FAM81A: variants seen among roughly 807,000 people sequenced by gnomAD.
The protein encoded by FAM81A is family with sequence similarity 81 member A.
Under a neutral mutation model 46.7 loss-of-function variants are expected in FAM81A, and 19 were observed. That is an observed-to-expected ratio of 0.41 (90% confidence interval 0.28 to 0.60). FAM81A has a LOEUF of 0.60. Among genes scored for constraint, FAM81A ranks in the 20% least tolerant of loss-of-function variants. The pLI is 0.34. For missense variants in FAM81A, 377 were observed against 453.5 expected, an observed-to-expected ratio of 0.83 and a Z score of 1.53; for synonymous variants, 183 against 152.9, an observed-to-expected ratio of 1.20 and a Z score of -1.45.
chr15:59,398,466 A>G (rs113170274), intron 1 of FAM81A, among the ~76,000 whole-genome samples: 4 of 152,314 alleles, frequency 2.6e-5, no homozygotes, highest in African/African-American at 9.6e-5. Context: ...AGTCATTAGA[A>G]CATGAATCCA....
intron 6 of FAM81A, among the ~76,000 whole-genome samples, chr15:59,510,777 C>CAAAAAAAAAA (rs71119479): frequency 6.6e-4 from 17 of 25,782 alleles, no homozygotes; most frequent in African/African-American, 9.7e-4. Context: ...GACCCTGTCT[C>CAAAAAAAAAA]AAAAAAAAAA....
chr15:59,519,658 A>G (rs575537639), intron 8 of FAM81A, among the ~76,000 whole-genome samples: 64 of 139,090 alleles, frequency 4.6e-4, no homozygotes, highest in Non-Finnish European at 7.9e-4. Flanking sequence ...GAGATCGTGC[A>G]GTATTTTTCT....
chr15:59,474,118 C>G (rs772166333), intron 3 of FAM81A, among the ~76,000 whole-genome samples: 11 of 152,172 alleles, frequency 7.2e-5, no homozygotes, highest in Admixed American at 4.6e-4. Flanking sequence ...GGACACTGAA[C>G]TCGTGCCACT....
At chr15:59,518,929 TTGTGTGTGTGTGTCTG>T (rs1308800177) in intron 8 of FAM81A, among the ~76,000 whole-genome samples, 3 of 136,008 alleles carry the variant, frequency 2.2e-5, no homozygotes, top group African/African-American at 7.9e-5. Flanking sequence ...TCACAGGTAT[TTGTGTGTGTGTGTCTG>T]TGTGTGTGTG....
At chr15:59,502,514 T>TGTGC (rs1555433591) in intron 4 of FAM81A, among the ~76,000 whole-genome samples, 22 of 150,768 alleles carry the variant, frequency 1.5e-4, no homozygotes, top group Admixed American at 3.3e-4. Flanking sequence ...TGTGTGTGTG[T>TGTGC]GTGTGTGTGT....
At chr15:59,497,441 GT>G (rs542898353) in intron 4 of FAM81A, among the ~76,000 whole-genome samples, 1 of 151,364 alleles carries the variant, frequency 6.6e-6, no homozygotes, top group Non-Finnish European at 1.5e-5. Context: ...GCAAGACTCT[GT>G]CTCAAAAAAA....
intron 3 of FAM81A, among the ~76,000 whole-genome samples, chr15:59,461,200 C>T (rs1695994197): frequency 6.6e-6 from 1 of 152,214 alleles, no homozygotes; most frequent in South Asian, 2.1e-4. Flanking sequence ...AACCACTCAT[C>T]TACTTTCTAT....
intron 4 of FAM81A, among the ~76,000 whole-genome samples, chr15:59,496,344 C>T (rs376585692): frequency 3.9e-5 from 6 of 152,222 alleles, no homozygotes; most frequent in East Asian, 1.9e-4. Context: ...CGGTGGCTCA[C>T]GCCTGTAATC....
chr15:59,415,009 G>T (rs1226562338), intron 2 of FAM81A, among the ~76,000 whole-genome samples: 8 of 151,752 alleles, frequency 5.3e-5, no homozygotes, highest in African/African-American at 1.9e-4. Flanking sequence ...GTAGAGATGG[G>T]TTTTCACTGT....
In FAM81A at chr15:59,467,790, T is replaced by C. The variant is rs538736985; in HGVS notation, c.294+7584T>C. The stretch of plus-strand genomic sequence containing the variant: ...GAGAGCATCCTTGTTTTGTGCCGGT[T>C]TTCAAAGGAAATCCTTCCAGTTTTG... On this transcript the variant is annotated intron_variant, in intron 3 of 8. Coordinates refer to ENST00000288228, the MANE Select transcript of FAM81A (RefSeq NM_152450.3). Among the ~76,000 whole-genome samples, 193 of 152,348 alleles carry C rather than the reference T, an allele frequency of 1.3e-3. 1 individual carries two copies. Among genetic ancestry groups the C allele is most frequent in the African/African-American group, 3.0e-3 (126 of 41,580 alleles).
intron 1 of FAM81A, among the ~76,000 whole-genome samples, chr15:59,458,103 G>A (rs1269501648): frequency 1.3e-5 from 2 of 152,182 alleles, no homozygotes; most frequent in African/African-American, 4.8e-5. Flanking sequence ...TTAGAAATAA[G>A]TGCTCTTCAT....
At chr15:59,473,904 TG>T (rs1490435646) in intron 3 of FAM81A, among the ~76,000 whole-genome samples, 1 of 152,190 alleles carries the variant, frequency 6.6e-6, no homozygotes, top group African/African-American at 2.4e-5. Flanking sequence ...CTTGAACTCC[TG>T]GGCCCAAGCA....
At chr15:59,511,044 C>T (rs142482028) in intron 6 of FAM81A, among the ~76,000 whole-genome samples, 4 of 150,568 alleles carry the variant, frequency 2.7e-5, no homozygotes, top group South Asian at 2.1e-4. Context: ...TGCAATGAGC[C>T]GAAATCATGC....
At chr15:59,405,040 G>A (rs1407852574) in intron 2 of FAM81A, among the ~76,000 whole-genome samples, 1 of 152,162 alleles carries the variant, frequency 6.6e-6, no homozygotes, top group Non-Finnish European at 1.5e-5. Flanking sequence ...TCTGCCAAGA[G>A]TGCTCTTTCT....
chr15:59,494,329 G>A (rs1279802726), intron 4 of FAM81A, among the ~76,000 whole-genome samples: 3 of 152,270 alleles, frequency 2.0e-5, no homozygotes, highest in Non-Finnish European at 4.4e-5. Flanking sequence ...CTTCGTAGCC[G>A]CTTGAGTTGC....
intron 4 of FAM81A, among the ~76,000 whole-genome samples, chr15:59,506,765 C>T (rs2082153649): frequency 1.3e-5 from 2 of 152,212 alleles, no homozygotes; most frequent in South Asian, 4.1e-4. Flanking sequence ...GCTCTACACC[C>T]TACTCATACT....
intron 4 of FAM81A, among the ~76,000 whole-genome samples, chr15:59,492,964 A>C (rs1340029867): frequency 2.0e-5 from 3 of 152,180 alleles, no homozygotes; most frequent in Non-Finnish European, 2.9e-5. Flanking sequence ...ATTCATATGC[A>C]TGGGAAAGTC....
chr15:59,488,416 C>T (rs1453949660), intron 3 of FAM81A, among the ~76,000 whole-genome samples: 7 of 152,078 alleles, frequency 4.6e-5, no homozygotes, highest in African/African-American at 1.7e-4. Flanking sequence ...GATGTCCTAG[C>T]TAGAGCAATC....
In FAM81A at chr15:59,512,922, G is replaced by A. The variant is rs72749175; in HGVS notation, c.651-1367G>A. Among the ~76,000 whole-genome samples, 1,030 of 152,310 alleles carry A rather than the reference G, an allele frequency of 6.8e-3. 3 individuals carry two copies. The highest frequency in any genetic ancestry group is 0.012 in the Non-Finnish European group (800 of 68,020). On this transcript the variant is annotated intron_variant, in intron 6 of 8. Coordinates refer to ENST00000288228, the MANE Select transcript of FAM81A (RefSeq NM_152450.3). The stretch of plus-strand genomic sequence containing the variant: ...CTATATCTCGCTGCAAGGGATCCTG[G>A]GAAATGTGGTCTCTGGCTAGGCAGC...
Sources: gnomAD v4.1 joint callset for allele counts (sites outside exome capture counted in the v4.1 genomes callset) on GRCh38, gnomAD v4.1.1 for gene constraint, MANE v1.5 for transcripts, NCBI Gene and HGNC (gene_info 2026-07-23, HGNC 2026-07-21) for gene names.